PTF1A: variants seen among roughly 807,000 people sequenced by gnomAD.
PTF1A encodes the protein pancreas associated transcription factor 1a, also known as pancreas transcription factor 1 subunit alpha.
In PTF1A, 18 loss-of-function variants were observed where a neutral mutation model predicts 22.6. The ratio of observed to expected loss-of-function variants is 0.80; its 90% CI spans 0.55 to 1.18. PTF1A has a LOEUF of 1.18. Ranked by LOEUF, PTF1A falls within the 50% of genes most tolerant of loss-of-function variation. The pLI, the probability that PTF1A is intolerant of heterozygous loss-of-function variation, is 0.00. For missense variants in PTF1A, 477 were observed against 473.0 expected (o/e 1.01, Z -0.08); for synonymous variants, 259 against 227.9 (o/e 1.14, Z -1.23).
At position 23,192,807 on chromosome 10, in the gene PTF1A, G is replaced by C; in HGVS notation, c.277G>C (p.Asp93His). Residue 93 changes from aspartate (D) to histidine (H), a missense_variant, in exon 1 of 2, where the codon GAC (aspartate) becomes CAC (histidine). Physicochemically the swap from Asp to His is moderately conservative, Grantham distance 81 (BLOSUM62 -1). Transcript: ENST00000376504. The stretch of plus-strand genomic sequence containing the variant: ...GTCCTCGGGGGGCCTCGGTGAGCCA[G>C]ACGACGGCGGCGGCGGCGGCTACTG... ...PPSSGGLGEPDDGGGGGYCCE... is the reference protein window; with the variant it reads ...PPSSGGLGEPHDGGGGGYCCE... 1 of 1,306,010 alleles carries C rather than the reference G, an allele frequency of 7.7e-7. No individual in the cohort carries two copies. The highest frequency in any genetic ancestry group is 3.1e-5 in the East Asian group (1 of 31,798). The allele number at this position is 1,306,010 out of a possible 1,614,324, so 80.9% of individuals were successfully genotyped here.
rs755171117 is a variant in PTF1A, at chr10:23,193,861, C to T, written c.942C>T (p.Ser314=). The change falls in exon 2 of 2, where the codon TCC becomes TCT. Residue 314 remains serine (S), a synonymous_variant. Coordinates refer to ENST00000376504, the MANE Select transcript of PTF1A (RefSeq NM_178161.3). Reference sequence around the variant, plus strand: ...CCAGAAAACTCAACAGCAAATCTTCCTTCAACAACATAGAAAACGAACCAC... The same window carrying T: ...CCAGAAAACTCAACAGCAAATCTTCTTTCAACAACATAGAAAACGAACCAC... ...EDPRKLNSKS[S]FNNIENEPPF... The T allele has an allele frequency of 8.1e-6, 13 of 1,614,004 alleles. No individual in the cohort carries two copies. In the Admixed American group the frequency reaches 8.3e-5, roughly 10 times the overall value.
chr10:23,192,562 G>T lies in PTF1A; in HGVS notation c.32G>T (p.Gly11Val). The change falls in exon 1 of 2, where the codon GGG becomes GTG. Residue 11 changes from glycine (G) to valine (V), a missense_variant. Gly to Val is a moderately radical substitution (Grantham distance 109, BLOSUM62 -3). Transcript: ENST00000376504. MDAVLLEHFP[G>V]GLDAFPSSYF... ...GCGGTGTTGCTGGAGCACTTCCCCG[G>T]GGGCCTAGACGCCTTTCCTTCTTCG... 6.3e-7 allele frequency: 1 copy of T among 1,597,160 alleles called. No individual in the cohort carries two copies. Among genetic ancestry groups the T allele is most frequent in the Non-Finnish European group, 8.5e-7 (1 of 1,172,324 alleles).
Position 23,192,347 on chromosome 10 carries a change from C to T in PTF1A, c.-184C>T. On this transcript the variant is annotated 5_prime_UTR_variant, in exon 1 of 2. Transcript: ENST00000376504. ...CGCCACAGCCCTCCCCAGCGCAGCG[C>T]GAGCGCGGGCCAGAGCGCAGCGGCC... 1.7e-6 allele frequency: 1 copy of T among 571,826 alleles called. No individual in the cohort carries two copies. Among genetic ancestry groups the T allele is most frequent in the Non-Finnish European group, 2.7e-6 (1 of 372,210 alleles). 35.4% of individuals were successfully genotyped at this position (571,826 alleles called of 1,614,324 possible).
In PTF1A at chr10:23,194,062, AGAT is replaced by A. The variant is rs149560393; in HGVS notation, c.*160_*162del. The A allele has an allele frequency of 0.22, 136,201 of 627,670 alleles. 15,514 individuals are homozygous for A. Among genetic ancestry groups the A allele is most frequent in the Non-Finnish European group, 0.25 (86,680 of 352,246 alleles). The allele number at this position is 627,670 out of a possible 1,614,324, so 38.9% of individuals were successfully genotyped here. A position where few individuals can be genotyped will look rare whatever the true frequency, so the allele number is the denominator to read the frequency against. On this transcript the variant is annotated 3_prime_UTR_variant, in exon 2 of 2. Coordinates refer to ENST00000376504, the MANE Select transcript of PTF1A (RefSeq NM_178161.3). The stretch of plus-strand genomic sequence containing the variant: ...TATTATCCTGTTGAGTTGATGAAAT[AGAT>A]GATTTCTTTTTAAATATATAATTTA...
Position 23,193,034 on chromosome 10 carries a change from C to T in PTF1A, c.504C>T (p.Ala168=). The T allele has an allele frequency of 6.1e-6, 8 of 1,304,206 alleles. No homozygotes were observed. The highest frequency in any genetic ancestry group is 7.9e-6 in the Non-Finnish European group (8 of 1,013,506). The allele number at this position is 1,304,206 out of a possible 1,614,324, so 80.8% of individuals were successfully genotyped here. Reference sequence around the variant, plus strand: ...AGCTGCAGCAGCTGCGGCAGGCGGCCAACGTGCGCGAGCGGCGGCGCATGC... The same window carrying T: ...AGCTGCAGCAGCTGCGGCAGGCGGCTAACGTGCGCGAGCGGCGGCGCATGC... ...EAELQQLRQA[A]NVRERRRMQS... is the part of the protein sequence containing the mutation. The change falls in exon 1 of 2, where the codon GCC becomes GCT. Residue 168 remains alanine, a synonymous_variant. Transcript: ENST00000376504.
chr10:23,193,158 G>A lies in PTF1A; in HGVS notation c.628G>A (p.Gly210Ser), dbSNP rs1240563556. ...GGTGGACACGCTGCGCCTGGCCATC[G>A]GCTACATCAACTTCCTCAGCGAGCT... Reference protein sequence around the residue: ...SKVDTLRLAIGYINFLSELVQ... With the variant: ...SKVDTLRLAISYINFLSELVQ... Residue 210 changes from glycine (G) to serine (S), a missense_variant, in exon 1 of 2, where the codon GGC (glycine) becomes AGC (serine). Gly to Ser is a moderately conservative substitution (Grantham distance 56). Transcript: ENST00000376504. 20 of 1,417,386 alleles carry A rather than the reference G, an allele frequency of 1.4e-5. No homozygotes were observed. The highest frequency in any genetic ancestry group is 3.0e-5 in the African/African-American group (2 of 66,956). The allele number at this position is 1,417,386 out of a possible 1,614,324, so 87.8% of individuals were successfully genotyped here. A position where few individuals can be genotyped will look rare whatever the true frequency, so the allele number is the denominator to read the frequency against.
At position 23,193,800 on chromosome 10, in the gene PTF1A, T is replaced by C; in HGVS notation, c.881T>C (p.Ile294Thr). 6.2e-7 allele frequency: 1 copy of C among 1,613,726 alleles called. No homozygotes were observed. The highest frequency in any genetic ancestry group is 1.1e-5 in the South Asian group (1 of 91,070). The change falls in exon 2 of 2, where the codon ATT becomes ACT. Residue 294 changes from isoleucine to threonine, a missense_variant. Coordinates refer to ENST00000376504, the MANE Select transcript of PTF1A (RefSeq NM_178161.3). The stretch of plus-strand genomic sequence containing the variant: ...GAAAAACAACTCAAGGAACAAAATA[T>C]TATCCGAACAGCCAAAGTCTGGACC... ...TDEKQLKEQN[I>T]IRTAKVWTPE...
In PTF1A at chr10:23,192,780, C is replaced by G; in HGVS notation, c.250C>G (p.Pro84Ala). ...GGCCGCCCCGCTAGCGCTCGCCCCG[C>G]CGTCCTCGGGGGGCCTCGGTGAGCC... ...PPAAPLALAP[P>A]SSGGLGEPDD... Residue 84 changes from proline to alanine, a missense_variant, in exon 1 of 2, where the codon CCG (proline) becomes GCG (alanine). Pro to Ala is a conservative substitution (Grantham distance 27). Coordinates refer to ENST00000376504, the MANE Select transcript of PTF1A (RefSeq NM_178161.3). 1.5e-6 allele frequency: 2 copies of G among 1,358,304 alleles called. No homozygotes were observed. The highest frequency in any genetic ancestry group is 1.9e-6 in the Non-Finnish European group (2 of 1,057,272). The allele number at this position is 1,358,304 out of a possible 1,614,324, so 84.1% of individuals were successfully genotyped here. A position where few individuals can be genotyped will look rare whatever the true frequency, so the allele number is the denominator to read the frequency against.
In PTF1A at chr10:23,193,230, G is replaced by C. The variant is rs964080287; in HGVS notation, c.700G>C (p.Gly234Arg). The change falls in exon 1 of 2, where the codon GGG (glycine) becomes CGG (arginine). Residue 234 changes from glycine to arginine, a missense_variant. Transcript: ENST00000376504. ...GCGCGGCGGTGGCGCGGGCGGCTGC[G>C]GGGGGCCGGGCGGCGGCGGGCGCCT... ...PLRGGGAGGC[G>R]GPGGGGRLGG... 4 of 1,296,974 alleles carry C rather than the reference G, an allele frequency of 3.1e-6. No individual in the cohort carries two copies. The highest frequency in any genetic ancestry group is 3.2e-5 in the Admixed American group (1 of 31,554). 80.3% of individuals were successfully genotyped at this position (1,296,974 alleles called of 1,614,324 possible).
Position 23,192,392 on chromosome 10 carries a change from C to G in PTF1A, c.-139C>G. 8.1e-7 allele frequency: 1 copy of G among 1,229,684 alleles called. No homozygotes were observed. Among genetic ancestry groups the G allele is most frequent in the Admixed American group, 2.6e-5 (1 of 38,562 alleles). 76.2% of individuals were successfully genotyped at this position (1,229,684 alleles called of 1,614,324 possible). ...GCGGCCGCGGGCACTCCAGGGAGGC[C>G]CGGGGGCGGGCAGCCCGGCGGCCGC... On this transcript the variant is annotated 5_prime_UTR_variant, in exon 1 of 2. Coordinates refer to ENST00000376504, the MANE Select transcript of PTF1A (RefSeq NM_178161.3).
In PTF1A at chr10:23,194,102, C is replaced by T; in HGVS notation, c.*196C>T. Reference sequence around the variant, plus strand: ...AAATATATAATTTATATAACTTATCCTGATTTTCTGAAAATATGCAATAGC... The same window carrying T: ...AAATATATAATTTATATAACTTATCTTGATTTTCTGAAAATATGCAATAGC... On this transcript the variant is annotated 3_prime_UTR_variant, in exon 2 of 2. Coordinates refer to ENST00000376504, the MANE Select transcript of PTF1A (RefSeq NM_178161.3). The T allele has an allele frequency of 1.8e-6, 1 of 541,994 alleles. No individual in the cohort carries two copies. Among genetic ancestry groups the T allele is most frequent in the East Asian group, 3.1e-5 (1 of 32,030 alleles). The allele number at this position is 541,994 out of a possible 1,614,324, so 33.6% of individuals were successfully genotyped here. A position where few individuals can be genotyped will look rare whatever the true frequency, so the allele number is the denominator to read the frequency against.
Position 23,193,909 on chromosome 10 carries a change from A to C in PTF1A, c.*3A>C. 1 of 1,606,768 alleles carries C rather than the reference A, an allele frequency of 6.2e-7. No homozygotes were observed. Among genetic ancestry groups the C allele is most frequent in the Non-Finnish European group, 8.5e-7 (1 of 1,173,460 alleles). On this transcript the variant is annotated 3_prime_UTR_variant, in exon 2 of 2. Coordinates refer to ENST00000376504, the MANE Select transcript of PTF1A (RefSeq NM_178161.3). Reference sequence around the variant, plus strand: ...CACCATTTGAGTTTGTGTCCTGAGAAGTCCCAGACTCGGCTGAAGATCTGA... The same window carrying C: ...CACCATTTGAGTTTGTGTCCTGAGACGTCCCAGACTCGGCTGAAGATCTGA...
At chr10:23,193,644 T>A (rs922861369) in intron 1 of PTF1A, 60 bp from the exon 2 acceptor site, 1 of 1,229,060 alleles carries the variant, frequency 8.1e-7, no homozygotes, top group South Asian at 1.2e-5. Context: ...AAGGACCTGA[T>A]GGGACCAATG....
chr10:23,193,278 C>G lies in PTF1A; in HGVS notation c.748C>G (p.Gln250Glu), dbSNP rs1840918530. 5 of 1,250,426 alleles carry G rather than the reference C, an allele frequency of 4.0e-6. No homozygotes were observed. In the East Asian group the frequency reaches 1.6e-4, roughly 40 times the overall value. 77.5% of individuals were successfully genotyped at this position (1,250,426 alleles called of 1,614,324 possible). ...GRLGGDSPGSQAQKVIICHRG... is the reference protein window; with the variant it reads ...GRLGGDSPGSEAQKVIICHRG... Reference sequence around the variant, plus strand: ...CCTGGGCGGGGACAGCCCGGGCAGCCAGGCCCAGAAGGTCATCATCTGCCA... The same window carrying G: ...CCTGGGCGGGGACAGCCCGGGCAGCGAGGCCCAGAAGGTCATCATCTGCCA... The change falls in exon 1 of 2, where the codon CAG (glutamine) becomes GAG (glutamate). Residue 250 changes from glutamine to glutamate, a missense_variant. Gln to Glu is a conservative substitution (Grantham distance 29). Transcript: ENST00000376504.
rs1194250279 is a variant in PTF1A, at chr10:23,192,478, C to T, written c.-53C>T. 5.0e-6 allele frequency: 8 copies of T among 1,589,452 alleles called. No individual in the cohort carries two copies. In the African/African-American group the frequency reaches 5.5e-5, roughly 11 times the overall value. On this transcript the variant is annotated 5_prime_UTR_variant, in exon 1 of 2. Coordinates refer to ENST00000376504, the MANE Select transcript of PTF1A (RefSeq NM_178161.3). ...GCTCGGACGGGCCTTAGAAACTCACCAAGAACTAACACGCGCAGCCCGGCA... is the reference window on the plus strand; with the variant it reads ...GCTCGGACGGGCCTTAGAAACTCACTAAGAACTAACACGCGCAGCCCGGCA...
Position 23,192,992 on chromosome 10 carries a change from G to T in PTF1A, c.462G>T (p.Arg154=), listed in dbSNP as rs1056021170. The T allele has an allele frequency of 5.2e-4, 603 of 1,165,166 alleles. 1 individual carries two copies. Among genetic ancestry groups the T allele is most frequent in the Non-Finnish European group, 6.1e-4 (576 of 942,132 alleles). 72.2% of individuals were successfully genotyped at this position (1,165,166 alleles called of 1,614,324 possible). A position where few individuals can be genotyped will look rare whatever the true frequency, so the allele number is the denominator to read the frequency against. ...AAAAAARRRR[R]VRSEAELQQL... is the part of the protein sequence containing the mutation. ...CTGCGGCGGCGCGGCGCCGGCGGCG[G>T]GTGCGCTCCGAGGCGGAGCTGCAGC... The change falls in exon 1 of 2, where the codon CGG becomes CGT. Residue 154 remains arginine, a synonymous_variant. Coordinates refer to ENST00000376504, the MANE Select transcript of PTF1A (RefSeq NM_178161.3).
Position 23,193,237 on chromosome 10 carries a change from C to A in PTF1A, c.707C>A (p.Pro236Gln). The part of the protein sequence containing the change: ...RGGGAGGCGG[P>Q]GGGGRLGGDS... ...GGTGGCGCGGGCGGCTGCGGGGGGC[C>A]GGGCGGCGGCGGGCGCCTGGGCGGG... The change falls in exon 1 of 2, where the codon CCG becomes CAG. Residue 236 changes from proline to glutamine, a missense_variant. Pro to Gln is a moderately conservative substitution (Grantham distance 76). Transcript: ENST00000376504. The A allele has an allele frequency of 8.0e-7, 1 of 1,243,096 alleles. No individual in the cohort carries two copies. The highest frequency in any genetic ancestry group is 1.0e-6 in the Non-Finnish European group (1 of 1,001,238). The allele number at this position is 1,243,096 out of a possible 1,614,324, so 77.0% of individuals were successfully genotyped here.
chr10:23,193,241 C>T lies in PTF1A; in HGVS notation c.711C>T (p.Gly237=), dbSNP rs1301623005. 2 of 1,244,806 alleles carry T rather than the reference C, an allele frequency of 1.6e-6. No homozygotes were observed. Among genetic ancestry groups the T allele is most frequent in the East Asian group, 3.3e-5 (1 of 30,366 alleles). The allele number at this position is 1,244,806 out of a possible 1,614,324, so 77.1% of individuals were successfully genotyped here. Residue 237 remains glycine, a synonymous_variant, in exon 1 of 2, where the codon GGC becomes GGT. Transcript: ENST00000376504. ...GGGAGGCGGP[G]GGGRLGGDSP... Reference sequence around the variant, plus strand: ...GCGCGGGCGGCTGCGGGGGGCCGGGCGGCGGCGGGCGCCTGGGCGGGGACA... The same window carrying T: ...GCGCGGGCGGCTGCGGGGGGCCGGGTGGCGGCGGGCGCCTGGGCGGGGACA...
chr10:23,192,630 GA>G lies in PTF1A; in HGVS notation c.101del (p.Asp34AlafsTer46). 1 of 1,602,298 alleles carries G rather than the reference GA, an allele frequency of 6.2e-7. No individual in the cohort carries two copies. Among genetic ancestry groups the G allele is most frequent in the Non-Finnish European group, 8.5e-7 (1 of 1,174,760 alleles). Reference protein sequence around the residue: ...DDFFTDQSSRDPLEDGDELLA... With the variant: ...DDFFTDQSSRXPLEDGDELLA... The stretch of plus-strand genomic sequence containing the variant: ...CTTCTTCACCGACCAGTCTTCACGG[GA>G]CCCCCTGGAGGACGGCGATGAGCTG... On this transcript the variant is annotated frameshift_variant, in exon 1 of 2. Transcript: ENST00000376504. LOFTEE classifies it high-confidence loss of function.
Sources: allele counts gnomAD v4.1 joint callset, GRCh38; gene constraint gnomAD v4.1.1; transcripts MANE v1.5; gene names NCBI Gene and HGNC (gene_info 2026-07-23, HGNC 2026-07-21).